ROBO2: variants seen among roughly 807,000 people sequenced by gnomAD.
The protein encoded by ROBO2 is roundabout homolog 2.
Under a neutral mutation model 160.8 loss-of-function variants are expected in ROBO2, and 53 were observed. The ratio of observed to expected loss-of-function variants is 0.33; its 90% confidence interval spans 0.26 to 0.41. The LOEUF is 0.41. Ranked by LOEUF, ROBO2 falls within the 10% of genes least tolerant of loss-of-function variation. The pLI is 1.00. For synonymous variants in ROBO2, 664 were observed against 611.7 expected, an observed-to-expected ratio of 1.09 and a Z score of -1.26; for missense variants, 1,577 against 1,722.4, an observed-to-expected ratio of 0.92 and a Z score of 1.49.
At chr3:76,140,857 C>T (rs546046792) in intron 2 of ROBO2, among the ~76,000 whole-genome samples, 1 of 149,486 alleles carries the variant, frequency 6.7e-6, no homozygotes, top group African/African-American at 2.5e-5. Flanking sequence ...AATTTCACAT[C>T]CATATTGTAT....
chr3:76,198,032 A>G (rs1702342747), intron 2 of ROBO2, among the ~76,000 whole-genome samples: 2 of 152,172 alleles, frequency 1.3e-5, no homozygotes, highest in African/African-American at 4.8e-5. Context: ...GTACAACTGT[A>G]AGCACCCCAA....
At chr3:76,755,502 C>G (rs75247792) in intron 2 of ROBO2, among the ~76,000 whole-genome samples, 1 of 151,736 alleles carries the variant, frequency 6.6e-6, no homozygotes, top group Non-Finnish European at 1.5e-5. Flanking sequence ...ATACTTAAAG[C>G]GTAACTAAAA....
chr3:77,054,550 G>A (rs1452179078), intron 1 of ROBO2, among the ~76,000 whole-genome samples: 1 of 152,158 alleles, frequency 6.6e-6, no homozygotes, highest in Non-Finnish European at 1.5e-5. Flanking sequence ...TAATAAGGAT[G>A]CTAGGTCTGA....
At chr3:77,008,355 T>C (rs2149449331) in intron 2 of ROBO2, among the ~76,000 whole-genome samples, 1 of 152,290 alleles carries the variant, frequency 6.6e-6, no homozygotes, top group South Asian at 2.1e-4. Flanking sequence ...TGGTTTTTTC[T>C]AAGTGAAGTT....
At chr3:77,126,914 G>A (rs12107873) in intron 2 of ROBO2, among the ~76,000 whole-genome samples, 9,205 of 147,488 alleles carry the variant, frequency 0.062, 936 homozygotes, top group African/African-American at 0.21. Flanking sequence ...TCAGCCTCCC[G>A]AGTAGCTGGG....
intron 2 of ROBO2, among the ~76,000 whole-genome samples, chr3:77,129,013 G>T (rs779279083): frequency 2.0e-5 from 3 of 152,146 alleles, no homozygotes; most frequent in African/African-American, 7.2e-5. Flanking sequence ...AAGCTGTTGC[G>T]TGAGTATTGG....
At position 76,789,862 on chromosome 3, in the gene ROBO2, T is replaced by C. The variant is rs978114893; in HGVS notation, c.110-308152T>C. ...AAGTCCATGAGGAAACTTTTTATTC[T>C]ACCATAGTTCCCTACATCATACAAC... On this transcript the variant is annotated intron_variant, in intron 2 of 26. Coordinates refer to the ROBO2 transcript ENST00000487694. 6.6e-5 allele frequency among the ~76,000 whole-genome samples: 10 copies of C among 151,796 alleles called. No homozygotes were observed. The South Asian group carries it at 1.7e-3, about 25-fold the overall frequency.
rs572695792 is a variant in ROBO2 at position 77,479,609 on chromosome 3, T to C, written c.547-1490T>C. On this transcript the variant is annotated intron_variant, in intron 3 of 25. Transcript: ENST00000461745. ...GTCTCACTATTAACACTGTGAGATC[T>C]ACATTACCAAAGAGAGTTTTGTTCT... is the stretch of plus-strand genomic sequence containing the variant. Among the ~76,000 whole-genome samples the C allele has an allele frequency of 6.6e-5, 10 of 152,312 alleles. No individual in the cohort carries two copies. The South Asian group carries it at 2.1e-3, about 32-fold the overall frequency.
At chr3:77,278,129 A>G (rs1363317950) in intron 2 of ROBO2, among the ~76,000 whole-genome samples, 1 of 152,162 alleles carries the variant, frequency 6.6e-6, no homozygotes, top group Non-Finnish European at 1.5e-5. Flanking sequence ...CTCTCTAAAG[A>G]GAGAATTTAT....
intron 2 of ROBO2, among the ~76,000 whole-genome samples, chr3:76,148,403 A>G (rs1293507027): frequency 6.6e-6 from 1 of 151,994 alleles, no homozygotes; most frequent in Non-Finnish European, 1.5e-5. Flanking sequence ...TCTTTCCTGT[A>G]TATGGTCTAA....
At chr3:76,022,646 G>A (rs927659029) in intron 2 of ROBO2, among the ~76,000 whole-genome samples, 1 of 151,670 alleles carries the variant, frequency 6.6e-6, no homozygotes, top group African/African-American at 2.4e-5. Flanking sequence ...GGTCTCAAGA[G>A]CGGGATAAAA....
At chr3:76,435,938 C>T (rs1478689086) in intron 2 of ROBO2, among the ~76,000 whole-genome samples, 1 of 152,144 alleles carries the variant, frequency 6.6e-6, no homozygotes, top group Non-Finnish European at 1.5e-5. Context: ...AAGGCTGAGG[C>T]TTGGCCATCT....
At chr3:76,634,604 A>C (rs916927998) in intron 2 of ROBO2, among the ~76,000 whole-genome samples, 3 of 151,468 alleles carry the variant, frequency 2.0e-5, no homozygotes, top group Admixed American at 2.0e-4. Context: ...AGTCAGATTG[A>C]ATTAAGGACC....
intron 2 of ROBO2, among the ~76,000 whole-genome samples, chr3:77,174,694 T>C (rs114408999): frequency 0.016 from 2,382 of 152,194 alleles, 78 homozygotes; most frequent in African/African-American, 0.054. Context: ...CTTATGTTTA[T>C]GATTTTCATT....
At chr3:76,598,869 T>C (rs568759532) in intron 2 of ROBO2, among the ~76,000 whole-genome samples, 2 of 152,282 alleles carry the variant, frequency 1.3e-5, no homozygotes, top group South Asian at 2.1e-4. Flanking sequence ...TAGTACTTCA[T>C]CTACGTAACG....
intron 2 of ROBO2, among the ~76,000 whole-genome samples, chr3:76,310,560 A>T (rs979919327): frequency 1.3e-5 from 2 of 152,200 alleles, no homozygotes; most frequent in African/African-American, 2.4e-5. Flanking sequence ...AGACCCATTT[A>T]TGAATCATTA....
chr3:76,250,495 G>A (rs1204324193), intron 2 of ROBO2, among the ~76,000 whole-genome samples: 2 of 152,104 alleles, frequency 1.3e-5, no homozygotes, highest in Non-Finnish European at 2.9e-5. Context: ...GTAGTTAATC[G>A]TTTTGCGTGT....
At chr3:76,030,839 T>C (rs2066895439) in intron 2 of ROBO2, among the ~76,000 whole-genome samples, 1 of 152,194 alleles carries the variant, frequency 6.6e-6, no homozygotes, top group Admixed American at 6.5e-5. Context: ...AGGATTGTCT[T>C]GGCAATACAG....
chr3:77,164,904 G>T (rs1295200317), intron 2 of ROBO2, among the ~76,000 whole-genome samples: 3 of 102,606 alleles, frequency 2.9e-5, no homozygotes, highest in Non-Finnish European at 6.9e-5. Context: ...TCAGCCCCCC[G>T]CCCGGCCAGC....
Sources: gnomAD v4.1 joint callset for allele counts (sites outside exome capture counted in the v4.1 genomes callset) on GRCh38, gnomAD v4.1.1 for gene constraint, MANE v1.5 for transcripts, NCBI Gene and HGNC (gene_info 2026-07-23, HGNC 2026-07-21) for gene names.